Variants in TES observed in about 807,000 individuals in gnomAD.
The protein encoded by TES is testin.
TES carries 41 observed loss-of-function variants against 48.2 expected under a neutral mutation model. The observed-to-expected ratio is 0.85, with a 90% CI of 0.66 to 1.10. The LOEUF is 1.10. Among genes scored for constraint, TES ranks in the 50% least tolerant of loss-of-function variants. The probability of loss-of-function intolerance (pLI) is 0.00; values close to 1 mark genes in which losing one functional copy is unlikely to be tolerated. For synonymous variants in TES, 162 were observed against 174.9 expected (o/e 0.93, Z 0.58); for missense variants, 463 against 515.1 (o/e 0.90, Z 0.98).
chr7:116,250,593 C>A, intron 4 of TES, 97 bp downstream of exon 4: 2 of 913,070 alleles, frequency 2.2e-6, no homozygotes, highest in Non-Finnish European at 3.1e-6. Flanking sequence ...CTCTGAGTTT[C>A]CAAAAGGGAA....
chr7:116,257,224 G>T, intron 6 of TES, 70 bp from the exon 7 acceptor site: 1 of 1,407,096 alleles, frequency 7.1e-7, no homozygotes, highest in Non-Finnish European at 9.6e-7. Flanking sequence ...AAAGAAATAT[G>T]TCCTAAGATG....
At chr7:116,229,569 T>C (rs1217244850) in intron 1 of TES, among the ~76,000 whole-genome samples, 1 of 152,128 alleles carries the variant, frequency 6.6e-6, no homozygotes, top group Non-Finnish European at 1.5e-5. Context: ...CTGCCCAAAA[T>C]AGGCCCTAAG....
intron 1 of TES, among the ~76,000 whole-genome samples, chr7:116,224,330 C>T (rs1242156627): frequency 1.3e-5 from 2 of 152,140 alleles, no homozygotes; most frequent in East Asian, 3.9e-4. Flanking sequence ...GCAGCGAATA[C>T]AGAGGTGTTC....
At chr7:116,214,654 G>A (rs1424411603) in intron 1 of TES, among the ~76,000 whole-genome samples, 1 of 152,012 alleles carries the variant, frequency 6.6e-6, no homozygotes, top group African/African-American at 2.4e-5. Context: ...AATATTGGTT[G>A]GAGAAAAAAA....
In TES at chr7:116,257,563, T is replaced by A. The variant is rs1584633615; in HGVS notation, c.*81T>A. On this transcript the variant is annotated 3_prime_UTR_variant, in exon 7 of 7. Transcript: ENST00000358204. Reference sequence around the variant, plus strand: ...ACTGTAAAATGCAATTTGAAAAAAATAAAACGCAAAAAAAGAAACTGTAAA... The same window carrying A: ...ACTGTAAAATGCAATTTGAAAAAAAAAAAACGCAAAAAAAGAAACTGTAAA... 4.2e-6 allele frequency: 5 copies of A among 1,195,834 alleles called. No individual in the cohort carries two copies. In the South Asian group the frequency reaches 1.4e-4, roughly 33 times the overall value. 74.1% of individuals were successfully genotyped at this position (1,195,834 alleles called of 1,614,324 possible).
chr7:116,210,721 A>C lies in TES; in HGVS notation c.14A>C (p.Asn5Thr), dbSNP rs1799425330. Residue 5 changes from asparagine (N) to threonine (T), a missense_variant, in exon 1 of 7, where the codon AAC becomes ACC. Asn to Thr is a moderately conservative substitution (Grantham distance 65, BLOSUM62 0). Transcript: ENST00000358204. MDLE[N>T]KVKKMGLGHE... Reference sequence around the variant, plus strand: ...GGACGCGTTAACATGGACCTGGAAAACAAAGTGAAGAAGGTAGGGGGGCGC... The same window carrying C: ...GGACGCGTTAACATGGACCTGGAAACCAAAGTGAAGAAGGTAGGGGGGCGC... The C allele has an allele frequency of 5.6e-6, 7 of 1,257,670 alleles. No individual in the cohort carries two copies. The highest frequency in any genetic ancestry group is 7.1e-6 in the Non-Finnish European group (7 of 991,086). 77.9% of individuals were successfully genotyped at this position (1,257,670 alleles called of 1,614,324 possible).
chr7:116,241,625 A>G (rs3807976), intron 2 of TES, among the ~76,000 whole-genome samples: 97,247 of 152,024 alleles, frequency 0.64, 31,377 homozygotes, highest in African/African-American at 0.71. Context: ...AAATTATAAC[A>G]AATCAATCAT....
intron 1 of TES, among the ~76,000 whole-genome samples, chr7:116,228,022 G>GTT (rs11375688): frequency 1.1e-3 from 138 of 122,560 alleles, no homozygotes; most frequent in African/African-American, 2.5e-3. Context: ...TTTTTTTTTT[G>GTT]TTTTTTTTTA....
chr7:116,246,946 C>T (rs1048483857), intron 2 of TES, among the ~76,000 whole-genome samples: 72 of 131,068 alleles, frequency 5.5e-4, no homozygotes, highest in Middle Eastern at 4.3e-3. Context: ...AGACTAGGCC[C>T]CTTTTTTTTT....
intron 1 of TES, among the ~76,000 whole-genome samples, chr7:116,224,613 G>A (rs755194934): frequency 9.9e-5 from 15 of 151,420 alleles, no homozygotes; most frequent in Admixed American, 7.9e-4. Flanking sequence ...GGAGATTTTT[G>A]TTGACTCACA....
chr7:116,218,443 T>C lies in TES; in HGVS notation c.27+7709T>C, dbSNP rs865888802. Among the ~76,000 whole-genome samples the C allele has an allele frequency of 3.9e-5, 6 of 152,148 alleles. No individual in the cohort carries two copies. In the South Asian group the frequency reaches 1.0e-3, roughly 26 times the overall value. On this transcript the variant is annotated intron_variant, in intron 1 of 6. Transcript: ENST00000358204. ...CATTGAAAAATGACCATGTAGATGTTAGGTGGATTTTTGTTTTTATATGAC... is the reference window on the plus strand; with the variant it reads ...CATTGAAAAATGACCATGTAGATGTCAGGTGGATTTTTGTTTTTATATGAC...
At chr7:116,240,448 G>T (rs891269077) in intron 2 of TES, among the ~76,000 whole-genome samples, 9 of 151,738 alleles carry the variant, frequency 5.9e-5, no homozygotes, top group African/African-American at 1.9e-4. Flanking sequence ...TCCCAGGCTC[G>T]CTCTTTCTCT....
At chr7:116,220,194 G>A (rs761199275) in intron 1 of TES, among the ~76,000 whole-genome samples, 1 of 152,156 alleles carries the variant, frequency 6.6e-6, no homozygotes, top group Non-Finnish European at 1.5e-5. Context: ...GGAATAGAAG[G>A]TTATCCCAAG....
chr7:116,245,565 T>C (rs771658601), intron 2 of TES, among the ~76,000 whole-genome samples: 1 of 152,128 alleles, frequency 6.6e-6, no homozygotes, highest in Non-Finnish European at 1.5e-5. Flanking sequence ...CCTCCAAGTC[T>C]CTAGGAATTT....
chr7:116,236,499 TATCTCATTGTTTATGCAG>T (rs1163445251), intron 2 of TES, among the ~76,000 whole-genome samples: 1 of 152,212 alleles, frequency 6.6e-6, no homozygotes, highest in East Asian at 1.9e-4. Flanking sequence ...ATCCCCAAGA[TATCTCATTGTTTATGCAG>T]ATATTCCAAA....
At chr7:116,226,645 T>C (rs1310620596) in intron 1 of TES, among the ~76,000 whole-genome samples, 1 of 152,212 alleles carries the variant, frequency 6.6e-6, no homozygotes, top group African/African-American at 2.4e-5. Flanking sequence ...AGAATAGCAA[T>C]ACAACGTCAT....
Position 116,250,141 on chromosome 7 carries a change from T to A in TES, c.367-20T>A, listed in dbSNP as rs370571054. On this transcript the variant is annotated intron_variant, in intron 3 of 6. Coordinates refer to ENST00000358204, the MANE Select transcript of TES (RefSeq NM_015641.4). ...GCCTAATGGCCAATCCCAGTTAACATTGGCCTCCTTGTGGTTCAGGCCAGG... is the reference window on the plus strand; with the variant it reads ...GCCTAATGGCCAATCCCAGTTAACAATGGCCTCCTTGTGGTTCAGGCCAGG... The A allele has an allele frequency of 2.1e-5, 31 of 1,498,348 alleles. No homozygotes were observed. Among genetic ancestry groups the A allele is most frequent in the Non-Finnish European group, 2.6e-5 (29 of 1,125,562 alleles). The allele number at this position is 1,498,348 out of a possible 1,614,324, so 92.8% of individuals were successfully genotyped here. A position where few individuals can be genotyped will look rare whatever the true frequency, so the allele number is the denominator to read the frequency against.
intron 1 of TES, among the ~76,000 whole-genome samples, chr7:116,225,458 G>C (rs1918915): frequency 0.64 from 97,059 of 151,906 alleles, 31,269 homozygotes; most frequent in African/African-American, 0.71. Flanking sequence ...AAAACTTGAC[G>C]TACTACCTCC....
At chr7:116,248,905 C>T in intron 2 of TES, 115 bp from the exon 3 acceptor site, 2 of 1,105,492 alleles carry the variant, frequency 1.8e-6, no homozygotes, top group Non-Finnish European at 2.5e-6. Flanking sequence ...AAGGACTTGC[C>T]TTTGCATACC....
Sources: gnomAD v4.1 joint callset for allele counts (sites outside exome capture counted in the v4.1 genomes callset) on GRCh38, gnomAD v4.1.1 for gene constraint, MANE v1.5 for transcripts, NCBI Gene and HGNC (gene_info 2026-07-23, HGNC 2026-07-21) for gene names.